Variants in MGAT4C observed in about 807,000 individuals in gnomAD.
MGAT4C encodes MGAT4 family member C.
A neutral mutation model predicts 40.1 loss-of-function variants in MGAT4C; 19 were observed. The ratio of observed to expected loss-of-function variants is 0.47; its 90% CI spans 0.33 to 0.70. The LOEUF (loss-of-function observed/expected upper bound fraction) is 0.70. Among genes scored for constraint, MGAT4C ranks in the 30% least tolerant of loss-of-function variants. MGAT4C has a pLI of 0.02. For missense variants in MGAT4C, 491 were observed against 563.2 expected (o/e 0.87, Z 1.30); for synonymous variants, 181 against 187.1 (o/e 0.97, Z 0.27).
At chr12:86,515,473 T>G (rs931676450) in intron 2 of MGAT4C, among the ~76,000 whole-genome samples, 7 of 152,136 alleles carry the variant, frequency 4.6e-5, no homozygotes, top group African/African-American at 1.4e-4. Flanking sequence ...TTAATTATAT[T>G]TTTATACACT....
intron 3 of MGAT4C, among the ~76,000 whole-genome samples, chr12:86,420,270 T>G (rs1956794715): frequency 6.6e-6 from 1 of 151,962 alleles, no homozygotes; most frequent in African/African-American, 2.4e-5. Context: ...CAGTCCCAGT[T>G]ACTCTCGAGG....
At chr12:86,124,192 T>C (rs189921534) in intron 1 of MGAT4C, among the ~76,000 whole-genome samples, 43 of 152,290 alleles carry the variant, frequency 2.8e-4, no homozygotes, top group Non-Finnish European at 5.6e-4. Context: ...ACACTACCTG[T>C]GTCATTAGCA....
intron 2 of MGAT4C, chr12:86,028,092 T>C (rs1484462444): frequency 4.7e-5 from 60 of 1,276,902 alleles, no homozygotes; most frequent in Non-Finnish European, 5.8e-5. Context: ...AACTACCTTT[T>C]CTAAATAATA....
At chr12:86,356,911 C>CA in intron 3 of MGAT4C, among the ~76,000 whole-genome samples, 1 of 152,292 alleles carries the variant, frequency 6.6e-6, no homozygotes, top group East Asian at 1.9e-4. Context: ...CATGGCTGAA[C>CA]AAAAGGCAGC....
intron 2 of MGAT4C, among the ~76,000 whole-genome samples, chr12:86,636,245 A>T (rs553975981): frequency 6.6e-6 from 1 of 152,184 alleles, no homozygotes; most frequent in South Asian, 2.1e-4. Context: ...ACGTGACTGT[A>T]CTGAAATACA....
At chr12:86,372,210 C>T (rs1955731010) in intron 3 of MGAT4C, among the ~76,000 whole-genome samples, 1 of 151,636 alleles carries the variant, frequency 6.6e-6, no homozygotes, top group Admixed American at 6.6e-5. Flanking sequence ...TTTAATATGA[C>T]ATCAAGACAC....
chr12:86,033,422 C>G (rs912093707), intron 2 of MGAT4C, among the ~76,000 whole-genome samples: 2 of 149,242 alleles, frequency 1.3e-5, no homozygotes, highest in African/African-American at 4.9e-5. Flanking sequence ...TTTATATTGT[C>G]TTTGATTTCT....
chr12:86,510,725 A>C (rs568083338), intron 2 of MGAT4C, among the ~76,000 whole-genome samples: 1 of 152,202 alleles, frequency 6.6e-6, no homozygotes, highest in Non-Finnish European at 1.5e-5. Flanking sequence ...AAATCAACAA[A>C]GATCAAAAGA....
Position 86,049,740 on chromosome 12 carries a change from C to G in MGAT4C, c.-56-17G>C, listed in dbSNP as rs1892723093. On this transcript the variant is annotated splice_polypyrimidine_tract_variant and intron_variant, in intron 1 of 4. Transcript: ENST00000611864. The stretch of plus-strand genomic sequence containing the variant: ...GTTGATACCCTGGAAAAAAGAAAGT[C>G]TAATATTACTAATACAACCCACTGG... 1 of 906,742 alleles carries G rather than the reference C, an allele frequency of 1.1e-6. No homozygotes were observed. Among genetic ancestry groups the G allele is most frequent in the African/African-American group, 1.8e-5 (1 of 55,516 alleles). 56.2% of individuals were successfully genotyped at this position (906,742 alleles called of 1,614,324 possible).
intron 1 of MGAT4C, among the ~76,000 whole-genome samples, chr12:86,230,249 TCTCA>T (rs1160894948): frequency 6.6e-6 from 1 of 152,088 alleles, no homozygotes; most frequent in African/African-American, 2.4e-5. Context: ...AGGAACTACC[TCTCA>T]CTAACTATTA....
chr12:86,802,247 C>A (rs934848812), intron 1 of MGAT4C, among the ~76,000 whole-genome samples: 1 of 151,906 alleles, frequency 6.6e-6, no homozygotes, highest in Non-Finnish European at 1.5e-5. Context: ...GGGATATCTG[C>A]AGATTTGCTA....
intron 1 of MGAT4C, among the ~76,000 whole-genome samples, chr12:86,185,392 G>T (rs924263390): frequency 1.1e-4 from 17 of 152,242 alleles, no homozygotes; most frequent in Admixed American, 1.0e-3. Context: ...ATTGAGAACA[G>T]TTTAGTACTT....
chr12:86,128,013 T>C lies in MGAT4C; in HGVS notation c.-56-78290A>G, dbSNP rs143688473. Among the ~76,000 whole-genome samples the C allele has an allele frequency of 5.2e-3, 786 of 152,344 alleles. 4 individuals carry two copies. Among genetic ancestry groups the C allele is most frequent in the Middle Eastern group, 0.01 (3 of 294 alleles). On this transcript the variant is annotated intron_variant, in intron 1 of 4. Coordinates refer to ENST00000611864, the MANE Select transcript of MGAT4C (RefSeq NM_001351288.2). Reference sequence around the variant, plus strand: ...ACATAAACCAGTAACACAATCGTTCTTTAGCATTATCAAGTATTCTGCACT... The same window carrying C: ...ACATAAACCAGTAACACAATCGTTCCTTAGCATTATCAAGTATTCTGCACT...
chr12:86,691,390 T>C (rs937687321), intron 2 of MGAT4C, among the ~76,000 whole-genome samples: 10 of 152,148 alleles, frequency 6.6e-5, no homozygotes, highest in African/African-American at 2.4e-4. Context: ...TATTTTGAGA[T>C]GTATGAACAG....
intron 3 of MGAT4C, among the ~76,000 whole-genome samples, chr12:86,400,461 G>A (rs1396201894): frequency 1.3e-5 from 2 of 152,096 alleles, no homozygotes; most frequent in Admixed American, 6.6e-5. Flanking sequence ...AGAGGTAGAC[G>A]ATTTTCTTCT....
chr12:86,681,634 C>A (rs190046872), intron 2 of MGAT4C, among the ~76,000 whole-genome samples: 1 of 151,802 alleles, frequency 6.6e-6, no homozygotes, highest in East Asian at 1.9e-4. Context: ...CCTAATGATA[C>A]AAGCAAAGAA....
At chr12:86,078,802 G>T (rs1267544842) in intron 1 of MGAT4C, among the ~76,000 whole-genome samples, 2 of 152,190 alleles carry the variant, frequency 1.3e-5, no homozygotes, top group Admixed American at 1.3e-4. Context: ...GCCGTCCACA[G>T]AATGGGTCAT....
chr12:86,637,902 A>G (rs1210514802), intron 2 of MGAT4C, among the ~76,000 whole-genome samples: 1 of 151,792 alleles, frequency 6.6e-6, no homozygotes, highest in Non-Finnish European at 1.5e-5. Context: ...CATTCTTTTT[A>G]TGTACAGCTA....
chr12:86,838,228 C>T (rs1419603075), intron 1 of MGAT4C, among the ~76,000 whole-genome samples: 1 of 151,386 alleles, frequency 6.6e-6, no homozygotes, highest in Admixed American at 6.6e-5. Context: ...TCCATGATAC[C>T]AAAATAAATA....
Sources: allele counts gnomAD v4.1 joint callset (sites outside exome capture counted in the v4.1 genomes callset), GRCh38; gene constraint gnomAD v4.1.1; transcripts MANE v1.5; gene names NCBI Gene and HGNC (gene_info 2026-07-23, HGNC 2026-07-21).